The following DNAH9 variants were observed in gnomAD, a reference collection of about 807,000 sequenced individuals.
DNAH9 encodes dynein axonemal heavy chain 9, also known as DNAH9 variant protein.
In DNAH9, 345 loss-of-function variants were observed where a neutral mutation model predicts 471.6. The ratio of observed to expected loss-of-function variants is 0.73; its 90% CI spans 0.67 to 0.80. DNAH9 has a LOEUF of 0.80. Ranked by LOEUF, DNAH9 falls within the 30% of genes least tolerant of loss-of-function variation. The pLI is 0.00. For synonymous variants in DNAH9, 2,093 were observed against 2,123.6 expected (o/e 0.99, Z 0.40); for missense variants, 5,407 against 5,609.2 (o/e 0.96, Z 1.15).
chr17:11,882,261 TAAAG>T (rs938149396), intron 55 of DNAH9, among the ~76,000 whole-genome samples: 10 of 152,228 alleles, frequency 6.6e-5, no homozygotes, highest in African/African-American at 2.2e-4. Context: ...TCTTTGCACA[TAAAG>T]AAAGCCATGG....
chr17:11,714,125 G>C (rs887739633), intron 26 of DNAH9, among the ~76,000 whole-genome samples: 5 of 152,142 alleles, frequency 3.3e-5, no homozygotes, highest in Non-Finnish European at 5.9e-5. Flanking sequence ...GTTATCAAAG[G>C]AACGGATTTG....
At chr17:11,864,441 AC>A (rs1171788494) in intron 50 of DNAH9, among the ~76,000 whole-genome samples, 1 of 150,536 alleles carries the variant, frequency 6.6e-6, no homozygotes, top group African/African-American at 2.4e-5. Flanking sequence ...TTTACTTCCA[AC>A]TATGTGGTCA....
Position 11,937,492 on chromosome 17 carries a change from A to G in DNAH9, c.12630A>G (p.Arg4210=), listed in dbSNP as rs1974754121. The stretch of plus-strand genomic sequence containing the variant: ...TGCAGCCTCGGGACAGCCAGGCCAG[A>G]GACGGAGCGGGCGCCACAAGAGAAG... ...LELQPRDSQA[R]DGAGATREEK... Residue 4210 remains arginine (R), a synonymous_variant, in exon 66 of 69, where the codon AGA becomes AGG. Coordinates refer to ENST00000262442, the MANE Select transcript of DNAH9 (RefSeq NM_001372.4). The surrounding 1 kb of genome is among the most constrained non-coding windows in gnomAD (Gnocchi z 4.1). The G allele has an allele frequency of 6.2e-7, 1 of 1,613,524 alleles. No individual in the cohort carries two copies. Among genetic ancestry groups the G allele is most frequent in the Non-Finnish European group, 8.5e-7 (1 of 1,179,590 alleles).
intron 50 of DNAH9, 66 bp downstream of exon 50, chr17:11,854,494 C>A: frequency 6.8e-7 from 1 of 1,477,926 alleles, no homozygotes; most frequent in Non-Finnish European, 9.1e-7. Context: ...TCTTCAGACA[C>A]CATCTAACAC....
At chr17:11,609,945 G>A (rs2072596305) in intron 2 of DNAH9, among the ~76,000 whole-genome samples, 1 of 152,200 alleles carries the variant, frequency 6.6e-6, no homozygotes, top group South Asian at 2.1e-4. Flanking sequence ...GTTCAGTATA[G>A]AGACAAACTT....
chr17:11,920,231 T>G (rs536509040), intron 61 of DNAH9, among the ~76,000 whole-genome samples: 1 of 151,540 alleles, frequency 6.6e-6, no homozygotes, highest in Non-Finnish European at 1.5e-5. Context: ...AAAAGGGGTT[T>G]CTCCATGTTG....
In DNAH9 at chr17:11,934,070, A is replaced by G; in HGVS notation, c.12488A>G (p.Gln4163Arg). 6.2e-7 allele frequency: 1 copy of G among 1,613,012 alleles called. No individual in the cohort carries two copies. Among genetic ancestry groups the G allele is most frequent in the Non-Finnish European group, 8.5e-7 (1 of 1,179,332 alleles). Residue 4163 changes from glutamine to arginine, a missense_variant and splice_region_variant, in exon 65 of 69, where the codon CAG becomes CGG. Gln to Arg is a conservative substitution (Grantham distance 43). This residue lies in a region of DNAH9 where 4,636 missense variants were observed against 4,900.3 expected (regional missense o/e 0.95). Transcript: ENST00000262442. ...PGNMDYNGYH[Q>R]YIDAELPPES... ...AACATGGACTACAATGGTTATCATC[A>G]GGTGAGACTCTGCTCTGTGCTTCTG...
rs1244284928 is a variant in DNAH9, at chr17:11,749,076, T to G, written c.6610+1310T>G. Among the ~76,000 whole-genome samples the G allele has an allele frequency of 9.3e-4, 16 of 17,168 alleles. 1 individual carries two copies. Among genetic ancestry groups the G allele is most frequent in the South Asian group, 4.6e-3 (1 of 216 alleles). The allele number at this position is 17,168 out of a possible 152,430, so 11.3% of individuals were successfully genotyped here. ...AATTTTTAAGAGGGTTTTTTTTTGT[T>G]TTTTTTTTTGTTTTTTTTTTTTTTT... On this transcript the variant is annotated intron_variant, in intron 32 of 68. Transcript: ENST00000262442.
intron 55 of DNAH9, chr17:11,883,166 T>C (rs1972782702): frequency 1.0e-6 from 1 of 990,976 alleles, no homozygotes; most frequent in Non-Finnish European, 1.2e-6. Context: ...TGCTGATTTT[T>C]TTTTAAGTAA....
Position 11,893,324 on chromosome 17 carries a change from C to T in DNAH9, c.11284-1050C>T, listed in dbSNP as rs991051925. 3.9e-5 allele frequency among the ~76,000 whole-genome samples: 6 copies of T among 152,132 alleles called. No individual in the cohort carries two copies. The East Asian group carries it at 7.7e-4, about 20-fold the overall frequency. On this transcript the variant is annotated intron_variant, in intron 58 of 68. Coordinates refer to ENST00000262442, the MANE Select transcript of DNAH9 (RefSeq NM_001372.4). ...TTCCATTTCCTACTCCATGGAACGT[C>T]GTCCCTTCTGTGAAAATATCCCCAT... is the stretch of plus-strand genomic sequence containing the variant.
chr17:11,769,415 G>GGCA, intron 38 of DNAH9, 86 bp downstream of exon 38: 1 of 1,259,460 alleles, frequency 7.9e-7, no homozygotes, highest in Non-Finnish European at 1.1e-6. Context: ...TCAGGTGCCT[G>GGCA]CCTGACTTGA....
chr17:11,689,241 C>T (rs2074291725), intron 19 of DNAH9, among the ~76,000 whole-genome samples: 1 of 152,072 alleles, frequency 6.6e-6, no homozygotes, highest in Non-Finnish European at 1.5e-5. Flanking sequence ...AGATGAAGGG[C>T]AGAGTCTAAA....
At chr17:11,934,591 G>A (rs1425004256) in intron 65 of DNAH9, among the ~76,000 whole-genome samples, 4 of 150,836 alleles carry the variant, frequency 2.7e-5, no homozygotes, top group South Asian at 2.1e-4. Flanking sequence ...GACTACAGGC[G>A]CCCGCCACCA....
chr17:11,758,115 C>T (rs960544322), intron 35 of DNAH9, among the ~76,000 whole-genome samples: 6 of 152,252 alleles, frequency 3.9e-5, no homozygotes, highest in South Asian at 2.1e-4. Context: ...GCCCACTCCC[C>T]GTCCCTGGCT....
rs553890092 is a variant in DNAH9, at chr17:11,969,174, G to A, written c.13234-126G>A. 1,928 of 748,280 alleles carry A rather than the reference G, an allele frequency of 2.6e-3. 6 individuals are homozygous for A. Among genetic ancestry groups the A allele is most frequent in the Non-Finnish European group, 3.8e-3 (1,734 of 453,986 alleles). 46.4% of individuals were successfully genotyped at this position (748,280 alleles called of 1,614,324 possible). A position where few individuals can be genotyped will look rare whatever the true frequency, so the allele number is the denominator to read the frequency against. On this transcript the variant is annotated intron_variant, in intron 68 of 68. Transcript: ENST00000262442. ...AAAGGCTGCTGAGAAAACCTGGAAG[G>A]GGGCAGGCATAAAGGCAGCCATGTC...
At chr17:11,908,823 C>T (rs181674518) in intron 61 of DNAH9, among the ~76,000 whole-genome samples, 2 of 152,270 alleles carry the variant, frequency 1.3e-5, no homozygotes, top group African/African-American at 2.4e-5. Context: ...CAGAGCCTTC[C>T]GCGGATGCCG....
At chr17:11,861,706 T>A (rs1245016272) in intron 50 of DNAH9, among the ~76,000 whole-genome samples, 1 of 152,190 alleles carries the variant, frequency 6.6e-6, no homozygotes, top group Non-Finnish European at 1.5e-5. Flanking sequence ...GACTTTTTAA[T>A]GATTGCCATT....
In DNAH9 at chr17:11,891,778, C is replaced by A. The variant is rs746114434; in HGVS notation, c.11114C>A (p.Ala3705Asp). The A allele has an allele frequency of 2.5e-6, 4 of 1,613,786 alleles. No homozygotes were observed. The highest frequency in any genetic ancestry group is 3.3e-5 in the Admixed American group (2 of 59,984). ...IHPMYQFSLK[A>D]FSIVFQKAVE... ...CAGTTTCCTGTCTTCTGTCCCCAGG[C>A]CTTCAGTATCGTCTTCCAGAAGGCT... Residue 3705 changes from alanine to aspartate, a missense_variant and splice_region_variant, in exon 58 of 69, where the codon GCC becomes GAC. This residue lies in a region of DNAH9 where 4,636 missense variants were observed against 4,900.3 expected (regional missense o/e 0.95). Coordinates refer to ENST00000262442, the MANE Select transcript of DNAH9 (RefSeq NM_001372.4).
intron 45 of DNAH9, among the ~76,000 whole-genome samples, chr17:11,819,248 A>G (rs924602175): frequency 6.6e-6 from 1 of 152,236 alleles, no homozygotes; most frequent in African/African-American, 2.4e-5. Flanking sequence ...ATATTTAGAA[A>G]TATTGAGTTC....
Sources: gnomAD v4.1 joint callset for allele counts (sites outside exome capture counted in the v4.1 genomes callset) on GRCh38, gnomAD v4.1.1 for gene constraint, gnomAD v4.1.1 regional missense constraint, Gnocchi (gnomAD v3.1) non-coding constraint, MANE v1.5 for transcripts, NCBI Gene and HGNC (gene_info 2026-07-23, HGNC 2026-07-21) for gene names.